Variants in RHOBTB1 observed in about 807,000 individuals in gnomAD.
RHOBTB1 encodes Rho related BTB domain containing 1, also known as rho-related BTB domain-containing protein 1.
RHOBTB1 carries 40 observed loss-of-function variants against 71.6 expected under a neutral mutation model. The ratio of observed to expected loss-of-function variants is 0.56; its 90% CI spans 0.43 to 0.73. RHOBTB1 has a LOEUF of 0.73. Ranked by LOEUF, RHOBTB1 falls within the 30% of genes least tolerant of loss-of-function variation. RHOBTB1 has a pLI of 0.00. For synonymous variants in RHOBTB1, 319 were observed against 334.9 expected (o/e 0.95, Z 0.52); for missense variants, 797 against 894.0 (o/e 0.89, Z 1.38).
chr10:60,951,551 C>A (rs766835283), intron 2 of RHOBTB1, among the ~76,000 whole-genome samples: 1 of 152,174 alleles, frequency 6.6e-6, no homozygotes, highest in Non-Finnish European at 1.5e-5. Context: ...TTAAACACTT[C>A]AGGGTCAGCA....
intron 2 of RHOBTB1, among the ~76,000 whole-genome samples, chr10:60,977,251 C>T (rs1359029895): frequency 6.6e-6 from 1 of 151,976 alleles, no homozygotes; most frequent in Non-Finnish European, 1.5e-5. Context: ...GTACCATACA[C>T]TTTCAAAGAA....
intron 2 of RHOBTB1, among the ~76,000 whole-genome samples, chr10:60,980,505 A>G (rs148646280): frequency 2.6e-5 from 4 of 152,328 alleles, no homozygotes; most frequent in Non-Finnish European, 2.9e-5. Flanking sequence ...TGCTCTTCTC[A>G]GGTACCTTTC....
intron 7 of RHOBTB1, among the ~76,000 whole-genome samples, chr10:60,883,508 ACT>A (rs2081423766): frequency 6.6e-6 from 1 of 152,104 alleles, no homozygotes; most frequent in South Asian, 2.1e-4. Flanking sequence ...ACTTCTCCCT[ACT>A]CTGTGAATAG....
chr10:60,974,765 A>G (rs772209070), intron 2 of RHOBTB1, among the ~76,000 whole-genome samples: 2 of 152,072 alleles, frequency 1.3e-5, no homozygotes, highest in Non-Finnish European at 2.9e-5. Flanking sequence ...TGTCACCTCT[A>G]ATTACTTACT....
intron 2 of RHOBTB1, among the ~76,000 whole-genome samples, chr10:60,979,459 A>T (rs2134779436): frequency 6.6e-6 from 1 of 152,306 alleles, no homozygotes; most frequent in South Asian, 2.1e-4. Context: ...AAATTTTCCT[A>T]AACAAACTAT....
chr10:60,947,100 C>A (rs1407153165), upstream of RHOBTB1, among the ~76,000 whole-genome samples: 1 of 152,090 alleles, frequency 6.6e-6, no homozygotes, highest in Non-Finnish European at 1.5e-5. Context: ...GTAGTACAGA[C>A]CGTATTTTGC....
chr10:60,886,171 T>C lies in RHOBTB1; in HGVS notation c.1516A>G (p.Ser506Gly), dbSNP rs201354939. The C allele has an allele frequency of 4.3e-6, 7 of 1,613,978 alleles. No homozygotes were observed. The highest frequency in any genetic ancestry group is 5.9e-6 in the Non-Finnish European group (7 of 1,179,976). ...AACATGGCTGCCATCCACTCACAGC[T>C]ACAGATCAGCAGCGGCTTGTGGGCA... ...ISAHKPLLIC[S>G]CEWMAAMFGG... The change falls in exon 7 of 11, where the codon AGC (serine) becomes GGC (glycine). Residue 506 changes from serine (S) to glycine (G), a missense_variant. Physicochemically the swap from Ser to Gly is moderately conservative, Grantham distance 56. Coordinates refer to ENST00000337910, the MANE Select transcript of RHOBTB1 (RefSeq NM_014836.5).
chr10:60,995,111 G>A (rs541504746), intron 1 of RHOBTB1, among the ~76,000 whole-genome samples: 2 of 151,914 alleles, frequency 1.3e-5, no homozygotes, highest in Non-Finnish European at 2.9e-5. Flanking sequence ...ATTATTAGAT[G>A]CTTTCTTGAA....
intron 2 of RHOBTB1, among the ~76,000 whole-genome samples, chr10:60,929,303 T>A (rs1026840328): frequency 6.6e-6 from 1 of 152,026 alleles, no homozygotes; most frequent in South Asian, 2.1e-4. Flanking sequence ...GCATCCATAA[T>A]AATTGAAAAT....
chr10:60,994,919 A>AAAAACAAAAC (rs148124919), intron 1 of RHOBTB1, among the ~76,000 whole-genome samples: 4,151 of 151,908 alleles, frequency 0.027, 201 homozygotes, highest in African/African-American at 0.096. Flanking sequence ...AGATAAGTAA[A>AAAAACAAAAC]AAAACAAAAC....
At chr10:60,900,911 C>T (rs1034637381) in intron 4 of RHOBTB1, among the ~76,000 whole-genome samples, 1 of 151,920 alleles carries the variant, frequency 6.6e-6, no homozygotes, top group African/African-American at 2.4e-5. Context: ...ATCTCTTTAC[C>T]CCATGTAATT....
chr10:60,885,205 A>T (rs1228203761), intron 7 of RHOBTB1, among the ~76,000 whole-genome samples: 1 of 152,234 alleles, frequency 6.6e-6, no homozygotes, highest in Non-Finnish European at 1.5e-5. Flanking sequence ...AATGGTAAAC[A>T]TCTGAGGTGA....
chr10:61,001,586 G>C (rs960138814), upstream of RHOBTB1: 6 of 143,738 alleles, frequency 4.2e-5, no homozygotes, highest in Non-Finnish European at 9.1e-5. Context: ...CCTCGCTCCC[G>C]GCCCGGCAGC....
chr10:60,981,833 G>A lies in RHOBTB1; in HGVS notation c.-62+4012C>T, dbSNP rs528094333. On this transcript the variant is annotated intron_variant, in intron 2 of 11. Transcript: ENST00000357917. ...TGCCCAAGCTGGGGTGCAATGGTGC[G>A]ACCTCGGCTCACTGCAACCTCTGCC... is the stretch of plus-strand genomic sequence containing the variant. 7.9e-5 allele frequency among the ~76,000 whole-genome samples: 12 copies of A among 151,920 alleles called. No homozygotes were observed. In the East Asian group the frequency reaches 2.1e-3, roughly 27 times the overall value.
downstream of RHOBTB1, among the ~76,000 whole-genome samples, chr10:60,866,354 T>C (rs1473015380): frequency 6.6e-6 from 1 of 152,128 alleles, no homozygotes; most frequent in Non-Finnish European, 1.5e-5. Flanking sequence ...GAAAAGTAGA[T>C]AGAAGGAAAT....
At chr10:60,959,260 T>C (rs1005982058) in intron 2 of RHOBTB1, among the ~76,000 whole-genome samples, 1 of 152,188 alleles carries the variant, frequency 6.6e-6, no homozygotes, top group Non-Finnish European at 1.5e-5. Context: ...AGGTTCTTTA[T>C]GAAACAGTCA....
At chr10:60,932,790 C>CA (rs2084338177) in intron 2 of RHOBTB1, among the ~76,000 whole-genome samples, 1 of 152,140 alleles carries the variant, frequency 6.6e-6, no homozygotes, top group Non-Finnish European at 1.5e-5. Context: ...ATATACTAAG[C>CA]ACTCATTTGA....
intron 2 of RHOBTB1, among the ~76,000 whole-genome samples, chr10:60,919,388 G>C (rs368443238): frequency 6.6e-6 from 1 of 152,170 alleles, no homozygotes; most frequent in Non-Finnish European, 1.5e-5. Context: ...GCCAAGTTTC[G>C]ATTGTGCAGA....
chr10:60,881,439 C>T (rs2081324763), intron 7 of RHOBTB1, among the ~76,000 whole-genome samples: 1 of 152,140 alleles, frequency 6.6e-6, no homozygotes, highest in African/African-American at 2.4e-5. Flanking sequence ...TGTTAATATA[C>T]CAAGTCCCAG....
Sources: gnomAD v4.1 joint callset for allele counts (sites outside exome capture counted in the v4.1 genomes callset) on GRCh38, gnomAD v4.1.1 for gene constraint, MANE v1.5 for transcripts, NCBI Gene and HGNC (gene_info 2026-07-23, HGNC 2026-07-21) for gene names.